The following ACIN1 variants were observed in gnomAD, a reference collection of about 807,000 sequenced individuals.
ACIN1 encodes apoptotic chromatin condensation inducer 1.
A neutral mutation model predicts 146.6 loss-of-function variants in ACIN1; 16 were observed. The observed-to-expected ratio is 0.11, with a 90% CI of 0.07 to 0.17. The LOEUF (loss-of-function observed/expected upper bound fraction) is 0.17. ACIN1 is among the 10% of genes least tolerant of loss of function. The probability of loss-of-function intolerance (pLI) is 1.00; values close to 1 mark genes in which losing one functional copy is unlikely to be tolerated. For missense variants in ACIN1, 1,357 were observed against 1,609.3 expected (o/e 0.84, Z 2.68); for synonymous variants, 569 against 582.7 (o/e 0.98, Z 0.34).
intron 8 of ACIN1, 81 bp downstream of exon 8, chr14:23,078,070 T>C: frequency 7.9e-7 from 1 of 1,259,224 alleles, no homozygotes; most frequent in South Asian, 1.2e-5. Context: ...TAGGACTGCT[T>C]AGTCAAAGAA....
Position 23,080,410 on chromosome 14 carries a change from G to A in ACIN1, c.925C>T (p.Leu309Phe), listed in dbSNP as rs2047913678. The change falls in exon 6 of 19, where the codon CTT becomes TTT. Residue 309 changes from leucine to phenylalanine, a missense_variant. Physicochemically the swap from Leu to Phe is conservative, Grantham distance 22 (BLOSUM62 0). Around this residue, in one of 4 missense-constraint regions of ACIN1, gnomAD observed 771 missense variants for 746.6 expected, o/e 1.03. Coordinates refer to ENST00000605057, the MANE Select transcript of ACIN1 (RefSeq NM_001386863.1). ...QEKEMKTTSP[L>F]EEEEREIKSS... Reference sequence around the variant, plus strand: ...TTTATTTCTCTTTCTTCCTCCTCAAGGGGAGATGTTGTTTTCATTTCCTTC... The same window carrying A: ...TTTATTTCTCTTTCTTCCTCCTCAAAGGGAGATGTTGTTTTCATTTCCTTC... 7 of 1,614,100 alleles carry A rather than the reference G, an allele frequency of 4.3e-6. No individual in the cohort carries two copies. The highest frequency in any genetic ancestry group is 5.1e-6 in the Non-Finnish European group (6 of 1,180,014).
intron 8 of ACIN1, among the ~76,000 whole-genome samples, chr14:23,076,800 G>A (rs561525822): frequency 8.5e-5 from 13 of 152,198 alleles, no homozygotes; most frequent in Non-Finnish European, 1.2e-4. Flanking sequence ...CAGGTATTAT[G>A]TCTGGTTGAG....
Position 23,079,527 on chromosome 14 carries a change from C to T in ACIN1, c.1788+20G>A, listed in dbSNP as rs775499993. 1.8e-5 allele frequency: 29 copies of T among 1,609,238 alleles called. No individual in the cohort carries two copies. Among genetic ancestry groups the T allele is most frequent in the South Asian group, 2.2e-5 (2 of 90,618 alleles). The stretch of plus-strand genomic sequence containing the variant: ...GAATATGACAGAACATTAATACACC[C>T]GGGATTCTCTCATACTCACTTTTCT... On this transcript the variant is annotated intron_variant, in intron 6 of 18. Coordinates refer to ENST00000605057, the MANE Select transcript of ACIN1 (RefSeq NM_001386863.1).
intron 14 of ACIN1, 155 bp downstream of exon 14, chr14:23,062,774 A>G: frequency 9.8e-7 from 1 of 1,022,992 alleles, no homozygotes; most frequent in South Asian, 1.7e-5. Flanking sequence ...CCTCATTTTT[A>G]GATGGGTAAA....
At chr14:23,079,332 T>G (rs144756485) in intron 6 of ACIN1, among the ~76,000 whole-genome samples, 1 of 152,292 alleles carries the variant, frequency 6.6e-6, no homozygotes, top group East Asian at 1.9e-4. Context: ...AAATTCAACA[T>G]TCTATCAAGG....
chr14:23,067,646 G>A lies in ACIN1; in HGVS notation c.2266-1638C>T. ...GGCCCTGAAGGGACATCATCTTGCAGTCCCTGATGAGATGGCCTGTGAGTA... is the reference window on the plus strand; with the variant it reads ...GGCCCTGAAGGGACATCATCTTGCAATCCCTGATGAGATGGCCTGTGAGTA... On this transcript the variant is annotated intron_variant, in intron 9 of 18. Coordinates refer to ENST00000605057, the MANE Select transcript of ACIN1 (RefSeq NM_001386863.1). The surrounding 1 kb of genome is among the most constrained non-coding windows in gnomAD (Gnocchi z 4.6). The A allele has an allele frequency of 2.0e-6, 2 of 985,958 alleles. No homozygotes were observed. The highest frequency in any genetic ancestry group is 2.4e-6 in the Non-Finnish European group (2 of 829,972). The allele number at this position is 985,958 out of a possible 1,614,324, so 61.1% of individuals were successfully genotyped here.
Position 23,061,183 on chromosome 14 carries a change from C to T in ACIN1, c.3426G>A (p.Glu1142=). The change falls in exon 18 of 19, where the codon GAG becomes GAA. Residue 1142 remains glutamate, a splice_region_variant and synonymous_variant. Coordinates refer to ENST00000605057, the MANE Select transcript of ACIN1 (RefSeq NM_001386863.1). ...TGGCAGGTGGTTCCTCCTGGGCTTT[C>T]TCTGAGGTGGAAAAAAGTGAACCAG... ...KSKEKKSEKK[E]KAQEEPPAKL... is the part of the protein sequence containing the mutation. The T allele has an allele frequency of 6.2e-7, 1 of 1,614,176 alleles. No homozygotes were observed. The highest frequency in any genetic ancestry group is 8.5e-7 in the Non-Finnish European group (1 of 1,180,026).
chr14:23,095,325 C>CG, upstream of ACIN1: 1 of 1,557,152 alleles, frequency 6.4e-7, no homozygotes, highest in Non-Finnish European at 8.7e-7. Flanking sequence ...CTGCAGCGCC[C>CG]CTTTTCTCGC....
chr14:23,075,863 G>A (rs1016690573), intron 8 of ACIN1, among the ~76,000 whole-genome samples: 1 of 152,024 alleles, frequency 6.6e-6, no homozygotes, highest in Admixed American at 6.6e-5. Context: ...CACCATGCCC[G>A]GCTAATTTTG....
Position 23,079,703 on chromosome 14 carries a change from C to A in ACIN1, c.1632G>T (p.Arg544=). 1.2e-6 allele frequency: 2 copies of A among 1,614,040 alleles called. No homozygotes were observed. Among genetic ancestry groups the A allele is most frequent in the Non-Finnish European group, 8.5e-7 (1 of 1,180,030 alleles). Residue 544 remains arginine (R), a synonymous_variant, in exon 6 of 19, where the codon CGG becomes CGT. Coordinates refer to ENST00000605057, the MANE Select transcript of ACIN1 (RefSeq NM_001386863.1). ...GCTTGGATCTGAGCGGTGAATGAGA[C>A]CGAGAACCTGAACTGTCAGGAGAGC... ...RSRSPDSSGS[R]SHSPLRSKQR...
intron 14 of ACIN1, 184 bp downstream of exon 14, chr14:23,062,745 C>T: frequency 1.2e-6 from 1 of 857,990 alleles, no homozygotes; most frequent in East Asian, 2.7e-5. Context: ...AACAACCCTG[C>T]AGGGCAACAG....
intron 1 of ACIN1, chr14:23,094,736 C>G (rs947598398): frequency 2.8e-6 from 2 of 720,528 alleles, no homozygotes; most frequent in Non-Finnish European, 4.4e-6. Context: ...TTAAGACACT[C>G]CTGGAGAGTA....
At chr14:23,089,833 C>T in intron 4 of ACIN1, 149 bp downstream of exon 4, 1 of 1,157,152 alleles carries the variant, frequency 8.6e-7, no homozygotes, top group Non-Finnish European at 1.2e-6. Context: ...AAAGGGTATA[C>T]TTTCCATGAG....
At chr14:23,066,129 G>T in intron 9 of ACIN1, 121 bp from the exon 10 acceptor site, 1 of 697,602 alleles carries the variant, frequency 1.4e-6, no homozygotes, top group Non-Finnish European at 2.4e-6. Context: ...GAGTGAGAGA[G>T]AGAGACAGAG....
chr14:23,089,639 A>T (rs920821478), intron 4 of ACIN1, among the ~76,000 whole-genome samples: 8 of 152,166 alleles, frequency 5.3e-5, no homozygotes, highest in African/African-American at 1.9e-4. Context: ...CAGATACCCA[A>T]CTCCAGAGGG....
chr14:23,071,008 GA>G, intron 8 of ACIN1: 4 of 1,204,856 alleles, frequency 3.3e-6, no homozygotes, highest in Non-Finnish European at 4.7e-6. Flanking sequence ...GGGGAAGGCA[GA>G]ATGACTGAAA....
rs2140143309 is a variant in ACIN1 at position 23,078,954 on chromosome 14, G to C, written c.1873C>G (p.Pro625Ala). ...CAGACCTGCAGTTGTGGCACTGGTG[G>C]AGTTGCAACCTCCTGACCAGAAGAG... Reference protein sequence around the residue: ...DPSSGQEVATPPVPQLQVCEP... With the variant: ...DPSSGQEVATAPVPQLQVCEP... Residue 625 changes from proline to alanine, a missense_variant, in exon 7 of 19, where the codon CCA becomes GCA. This residue lies in a region of ACIN1 where 771 missense variants were observed against 746.6 expected (regional missense o/e 1.03). Transcript: ENST00000605057. 1.2e-6 allele frequency: 2 copies of C among 1,614,202 alleles called. No homozygotes were observed. The highest frequency in any genetic ancestry group is 1.6e-4 in the Middle Eastern group (1 of 6,062).
Position 23,079,961 on chromosome 14 carries a change from C to A in ACIN1, c.1374G>T (p.Lys458Asn). 1 of 1,614,098 alleles carries A rather than the reference C, an allele frequency of 6.2e-7. No homozygotes were observed. The highest frequency in any genetic ancestry group is 2.2e-5 in the East Asian group (1 of 44,882). The stretch of plus-strand genomic sequence containing the variant: ...ATCTGTCTGACTCAGGTTCAAGATC[C>A]TTCTGGGCTGAGTAGTCAGCCAGTG... ...KSTLADYSAQKDLEPESDRSA... is the reference protein window; with the variant it reads ...KSTLADYSAQNDLEPESDRSA... The change falls in exon 6 of 19, where the codon AAG (lysine) becomes AAT (asparagine). Residue 458 changes from lysine to asparagine, a missense_variant. Transcript: ENST00000605057.
chr14:23,071,494 T>A, intron 8 of ACIN1: 1 of 1,551,680 alleles, frequency 6.4e-7, no homozygotes, highest in Non-Finnish European at 8.7e-7. Context: ...CTGCTGGTAG[T>A]GGCTGGCTCT....
Sources: allele counts gnomAD v4.1 joint callset (sites outside exome capture counted in the v4.1 genomes callset), GRCh38; gene constraint gnomAD v4.1.1; regional missense constraint gnomAD v4.1.1; non-coding constraint Gnocchi (gnomAD v3.1); transcripts MANE v1.5; gene names NCBI Gene and HGNC (gene_info 2026-07-23, HGNC 2026-07-21).